Variants in DENND4A observed in about 807,000 individuals in gnomAD.
DENND4A encodes DENN domain containing 4A, also known as C-myc promoter-binding protein.
DENND4A carries 70 observed loss-of-function variants against 199.3 expected under a neutral mutation model. The ratio of observed to expected loss-of-function variants is 0.35; its 90% CI spans 0.29 to 0.43. The LOEUF (loss-of-function observed/expected upper bound fraction) is 0.43, where lower values mean the gene tolerates loss of function less well. Ranked by LOEUF, DENND4A falls within the 20% of genes least tolerant of loss-of-function variation. The pLI is 1.00. For synonymous variants in DENND4A, 686 were observed against 766.9 expected, an observed-to-expected ratio of 0.89 and a Z score of 1.74; for missense variants, 1,723 against 2,255.8, an observed-to-expected ratio of 0.76 and a Z score of 4.78.
chr15:65,699,275 C>A (rs60740684), intron 20 of DENND4A, among the ~76,000 whole-genome samples: 71 of 151,984 alleles, frequency 4.7e-4, no homozygotes, highest in African/African-American at 1.7e-3. Context: ...GAGATAGGGG[C>A]CTTCATATTT....
intron 23 of DENND4A, among the ~76,000 whole-genome samples, chr15:65,677,213 G>C (rs1191946242): frequency 6.6e-6 from 1 of 151,974 alleles, no homozygotes; most frequent in Non-Finnish European, 1.5e-5. Flanking sequence ...AATCATATAG[G>C]GCAAAAATTT....
At chr15:65,783,137 T>C (rs2077476558) in intron 1 of DENND4A, among the ~76,000 whole-genome samples, 1 of 152,170 alleles carries the variant, frequency 6.6e-6, no homozygotes, top group Admixed American at 6.5e-5. Flanking sequence ...GGAAAAGGTT[T>C]GATTTAAGTA....
At chr15:65,759,348 T>A (rs538853532) in intron 2 of DENND4A, among the ~76,000 whole-genome samples, 1 of 152,018 alleles carries the variant, frequency 6.6e-6, no homozygotes, top group Non-Finnish European at 1.5e-5. Context: ...TGTGGTGGCA[T>A]GTGCCTGTAG....
At chr15:65,764,219 C>T (rs1480380040) in intron 1 of DENND4A, among the ~76,000 whole-genome samples, 1 of 152,108 alleles carries the variant, frequency 6.6e-6, no homozygotes, top group African/African-American at 2.4e-5. Context: ...AAAAACAGGC[C>T]AGGTGTGATG....
chr15:65,667,361 A>G, intron 29 of DENND4A, 88 bp downstream of exon 29: 5 of 1,415,840 alleles, frequency 3.5e-6, no homozygotes, highest in Non-Finnish European at 4.8e-6. Flanking sequence ...TAGCATAAAA[A>G]CAGACCTTAC....
chr15:65,669,453 TGAAGAGA>T (rs2076149843), intron 27 of DENND4A, among the ~76,000 whole-genome samples: 3 of 152,202 alleles, frequency 2.0e-5, no homozygotes, highest in African/African-American at 7.2e-5. Flanking sequence ...ACTTAATTCC[TGAAGAGA>T]TAGAGACAAG....
At chr15:65,702,260 C>T in intron 17 of DENND4A, 45 bp downstream of exon 17, 1 of 1,458,474 alleles carries the variant, frequency 6.9e-7, no homozygotes, top group Non-Finnish European at 9.4e-7. Flanking sequence ...CAGAGTGAGA[C>T]CCCATCTCAA....
intron 1 of DENND4A, among the ~76,000 whole-genome samples, chr15:65,781,237 TAG>T (rs1382552251): frequency 6.6e-6 from 1 of 152,182 alleles, no homozygotes; most frequent in African/African-American, 2.4e-5. Flanking sequence ...CAGAAATTAC[TAG>T]AGTTAAGATT....
intron 11 of DENND4A, chr15:65,727,726 G>T: frequency 4.6e-6 from 1 of 217,674 alleles, no homozygotes; most frequent in South Asian, 5.7e-5. Flanking sequence ...TTATAAACAT[G>T]TCCTGTGGGT....
At chr15:65,735,937 CA>C (rs1451286841) in intron 7 of DENND4A, among the ~76,000 whole-genome samples, 1 of 152,074 alleles carries the variant, frequency 6.6e-6, no homozygotes, top group East Asian at 1.9e-4. Context: ...ACCAAAAATA[CA>C]AAATTAGACA....
intron 12 of DENND4A, among the ~76,000 whole-genome samples, chr15:65,721,548 C>T (rs1332961199): frequency 6.9e-6 from 1 of 145,932 alleles, no homozygotes; most frequent in Non-Finnish European, 1.5e-5. Context: ...GGTGATAAAG[C>T]ATTGCGAGGC....
intron 1 of DENND4A, among the ~76,000 whole-genome samples, chr15:65,784,887 C>T (rs1021622583): frequency 6.6e-6 from 1 of 152,100 alleles, no homozygotes; most frequent in African/African-American, 2.4e-5. Context: ...GTGTCTCATG[C>T]CTGTAATCCC....
chr15:65,763,888 A>G (rs1469797113), intron 1 of DENND4A, among the ~76,000 whole-genome samples: 1 of 152,172 alleles, frequency 6.6e-6, no homozygotes, highest in Non-Finnish European at 1.5e-5. Flanking sequence ...TACTTTTCAA[A>G]TATCTCTAAA....
Position 65,756,322 on chromosome 15 carries a change from T to C in DENND4A, c.129A>G (p.Glu43=), listed in dbSNP as rs2076699905. ...DACHKVAKPK[E]PITDVSVIIK... ...TAATAACTGAAACATCTGTAATAGG[T>C]TCTTTTGGTTTAGCTACTTTATGAC... is the stretch of plus-strand genomic sequence containing the variant. The change falls in exon 3 of 33, where the codon GAA becomes GAG. Residue 43 remains glutamate (E), a synonymous_variant. Coordinates refer to ENST00000443035, the MANE Select transcript of DENND4A (RefSeq NM_001320835.1). 1 of 1,613,820 alleles carries C rather than the reference T, an allele frequency of 6.2e-7. No individual in the cohort carries two copies. Among genetic ancestry groups the C allele is most frequent in the Middle Eastern group, 1.7e-4 (1 of 6,060 alleles).
At position 65,691,263 on chromosome 15, in the gene DENND4A, G is replaced by T. The variant is rs1239060983; in HGVS notation, c.3331C>A (p.Leu1111Ile). The change falls in exon 23 of 33, where the codon CTT (leucine) becomes ATT (isoleucine). Residue 1111 changes from leucine (L) to isoleucine (I), a missense_variant. Around this residue, in one of 6 missense-constraint regions of DENND4A, gnomAD observed 650 missense variants for 738.1 expected, o/e 0.88. Coordinates refer to ENST00000443035, the MANE Select transcript of DENND4A (RefSeq NM_001320835.1). ...VEKLGADAKI[L>I]SNVISKSTRP... ...GTGCTTTTTGAGATAACATTTGAAA[G>T]AATTTTTGCATCAGCTCCCAATTTT... The T allele has an allele frequency of 1.2e-5, 20 of 1,613,026 alleles. No homozygotes were observed. Among genetic ancestry groups the T allele is most frequent in the East Asian group, 1.1e-4 (5 of 44,864 alleles).
At chr15:65,758,081 C>T (rs1309893721) in intron 2 of DENND4A, among the ~76,000 whole-genome samples, 1 of 152,098 alleles carries the variant, frequency 6.6e-6, no homozygotes, top group Non-Finnish European at 1.5e-5. Context: ...ACAGACAAAG[C>T]CCAGTGGAAG....
chr15:65,781,876 G>C (rs1327571602), intron 1 of DENND4A, among the ~76,000 whole-genome samples: 1 of 152,156 alleles, frequency 6.6e-6, no homozygotes, highest in Non-Finnish European at 1.5e-5. Context: ...ACTGTTTATG[G>C]GACAGGCAGA....
At chr15:65,782,846 C>G (rs1185159302) in intron 1 of DENND4A, among the ~76,000 whole-genome samples, 1 of 151,962 alleles carries the variant, frequency 6.6e-6, no homozygotes, top group Admixed American at 6.6e-5. Context: ...TCAATATGTA[C>G]CACTAAAAAT....
intron 3 of DENND4A, among the ~76,000 whole-genome samples, chr15:65,753,634 C>T (rs2076623108): frequency 6.6e-6 from 1 of 152,144 alleles, no homozygotes; most frequent in Non-Finnish European, 1.5e-5. Flanking sequence ...GTTGGGATTA[C>T]ACGTGTAAGC....
Sources: allele counts gnomAD v4.1 joint callset (sites outside exome capture counted in the v4.1 genomes callset), GRCh38; gene constraint gnomAD v4.1.1; regional missense constraint gnomAD v4.1.1; transcripts MANE v1.5; gene names NCBI Gene and HGNC (gene_info 2026-07-23, HGNC 2026-07-21).